The following TMCO5A variants were observed in gnomAD, a reference collection of about 807,000 sequenced individuals.
TMCO5A encodes the protein transmembrane and coiled-coil domains 5A.
In TMCO5A, 34 loss-of-function variants were observed where a neutral mutation model predicts 42.3. The ratio of observed to expected loss-of-function variants is 0.80; its 90% CI spans 0.61 to 1.07. TMCO5A has a LOEUF of 1.07. Among genes scored for constraint, TMCO5A ranks in the 50% least tolerant of loss-of-function variants. TMCO5A has a pLI of 0.00. For missense variants in TMCO5A, 357 were observed against 327.9 expected (o/e 1.09, Z -0.69); for synonymous variants, 131 against 115.6 (o/e 1.13, Z -0.86).
chr15:38,031,510 A>T, the TMCO5A span, among the ~76,000 whole-genome samples: 2 of 152,218 alleles, frequency 1.3e-5, no homozygotes, highest in African/African-American at 4.8e-5. Flanking sequence ...ACAGGAAGTT[A>T]GCTGCCATGT....
At chr15:37,981,369 A>G in the TMCO5A span, among the ~76,000 whole-genome samples, 2 of 152,180 alleles carry the variant, frequency 1.3e-5, no homozygotes, top group African/African-American at 2.4e-5. Context: ...GCCAGTGTAA[A>G]CTTTTGACAA....
At chr15:38,008,438 C>T in the TMCO5A span, among the ~76,000 whole-genome samples, 1 of 152,148 alleles carries the variant, frequency 6.6e-6, no homozygotes, top group Non-Finnish European at 1.5e-5. Flanking sequence ...GACCTCAAAA[C>T]ACTTTTTTCT....
chr15:37,982,507 ATAT>A, the TMCO5A span, among the ~76,000 whole-genome samples: 10 of 138,998 alleles, frequency 7.2e-5, no homozygotes, highest in Admixed American at 2.2e-4. Context: ...TATATAATAG[ATAT>A]TATATATTAT....
chr15:37,955,033 A>G (rs1890251300), downstream of TMCO5A, among the ~76,000 whole-genome samples: 1 of 151,954 alleles, frequency 6.6e-6, no homozygotes, highest in Non-Finnish European at 1.5e-5. Flanking sequence ...AAAAGAAAGA[A>G]GGAAGAGAAG....
chr15:37,996,338 C>G, the TMCO5A span, among the ~76,000 whole-genome samples: 1 of 152,136 alleles, frequency 6.6e-6, no homozygotes, highest in Non-Finnish European at 1.5e-5. Flanking sequence ...ATGGGAGCAC[C>G]AGACATTTCA....
At chr15:38,023,980 CA>C in the TMCO5A span, among the ~76,000 whole-genome samples, 1 of 152,184 alleles carries the variant, frequency 6.6e-6, no homozygotes, top group Non-Finnish European at 1.5e-5. Flanking sequence ...CATTTTCAGA[CA>C]TTAGGACATG....
At chr15:37,972,463 TA>T (rs1325073724), downstream of TMCO5A, among the ~76,000 whole-genome samples, 1 of 152,226 alleles carries the variant, frequency 6.6e-6, no homozygotes, top group Non-Finnish European at 1.5e-5. Flanking sequence ...TTTGAGTTTT[TA>T]ATAATAGCCA....
the TMCO5A span, among the ~76,000 whole-genome samples, chr15:38,021,997 A>C: frequency 6.6e-6 from 1 of 151,972 alleles, no homozygotes; most frequent in South Asian, 2.1e-4. Context: ...TTTTTAGTAG[A>C]GATAGGGTTT....
chr15:38,037,756 T>C, the TMCO5A span, among the ~76,000 whole-genome samples: 1 of 152,212 alleles, frequency 6.6e-6, no homozygotes, highest in Non-Finnish European at 1.5e-5. Context: ...GGCTCACGCC[T>C]GTAATTCCAG....
At chr15:38,006,170 T>C in the TMCO5A span, among the ~76,000 whole-genome samples, 1 of 151,794 alleles carries the variant, frequency 6.6e-6, no homozygotes, top group Non-Finnish European at 1.5e-5. Context: ...AGCAGCAGAG[T>C]AGATCAGGAG....
chr15:38,028,759 G>C, the TMCO5A span, among the ~76,000 whole-genome samples: 1 of 152,148 alleles, frequency 6.6e-6, no homozygotes, highest in Non-Finnish European at 1.5e-5. Flanking sequence ...AATGGTAGAA[G>C]GTAGTGGGCA....
chr15:38,033,786 G>T, the TMCO5A span, among the ~76,000 whole-genome samples: 2 of 151,872 alleles, frequency 1.3e-5, no homozygotes, highest in Non-Finnish European at 2.9e-5. Flanking sequence ...GCAAATTTTT[G>T]TATTTTTAGT....
At chr15:37,946,022 T>C (rs1566917944) in intron 10 of TMCO5A, among the ~76,000 whole-genome samples, 3 of 152,190 alleles carry the variant, frequency 2.0e-5, no homozygotes, top group Admixed American at 2.0e-4. Context: ...AAGTCTATAA[T>C]CCATCTTGAG....
At chr15:37,989,418 C>T in the TMCO5A span, among the ~76,000 whole-genome samples, 3 of 151,802 alleles carry the variant, frequency 2.0e-5, no homozygotes. Flanking sequence ...AGATTTTTCT[C>T]AAATATAAAT....
At chr15:37,948,877 G>A (rs1296709935) in intron 11 of TMCO5A, among the ~76,000 whole-genome samples, 6 of 152,152 alleles carry the variant, frequency 3.9e-5, no homozygotes, top group Admixed American at 6.6e-5. Flanking sequence ...GTGGGAAGAT[G>A]TGTCAAGGGC....
chr15:38,014,494 G>C, the TMCO5A span, among the ~76,000 whole-genome samples: 214 of 152,134 alleles, frequency 1.4e-3, 5 homozygotes, highest in South Asian at 0.043. Flanking sequence ...TTATGAATTT[G>C]CTAGAACTAA....
chr15:37,964,508 G>T (rs931084917), intron 11 of TMCO5A, among the ~76,000 whole-genome samples: 1 of 151,842 alleles, frequency 6.6e-6, no homozygotes, highest in South Asian at 2.1e-4. Flanking sequence ...TTCACAATGC[G>T]AGCCTCTGCA....
At chr15:37,966,425 A>G (rs1441521786) in intron 11 of TMCO5A, among the ~76,000 whole-genome samples, 2 of 152,184 alleles carry the variant, frequency 1.3e-5, no homozygotes, top group African/African-American at 4.8e-5. Flanking sequence ...GGAGATGGGT[A>G]CATCATTTTA....
the TMCO5A span, among the ~76,000 whole-genome samples, chr15:38,018,345 A>T: frequency 6.6e-6 from 1 of 152,356 alleles, no homozygotes; most frequent in East Asian, 1.9e-4. Context: ...AGAAATTTTT[A>T]AAATTATTGT....
Sources: allele counts gnomAD v4.1 joint callset (sites outside exome capture counted in the v4.1 genomes callset), GRCh38; gene constraint gnomAD v4.1.1; transcripts MANE v1.5; gene names NCBI Gene and HGNC (gene_info 2026-07-23, HGNC 2026-07-21).